LRRC4C: variants seen among roughly 807,000 people sequenced by gnomAD.
LRRC4C encodes the protein leucine rich repeat containing 4C, also known as leucine-rich repeat-containing protein 4C.
A neutral mutation model predicts 33.6 loss-of-function variants in LRRC4C; 5 were observed. The ratio of observed to expected loss-of-function variants is 0.15; its 90% CI spans 0.08 to 0.31. The LOEUF is 0.31. LRRC4C is among the 10% of genes least tolerant of loss of function. The pLI, the probability that LRRC4C is intolerant of heterozygous loss-of-function variation, is 1.00. For synonymous variants in LRRC4C, 329 were observed against 302.0 expected (o/e 1.09, Z -0.93); for missense variants, 560 against 796.7 (o/e 0.70, Z 3.58).
intron 3 of LRRC4C, among the ~76,000 whole-genome samples, chr11:40,345,030 C>T (rs1325785105): frequency 2.0e-5 from 3 of 152,106 alleles, no homozygotes; most frequent in Admixed American, 1.3e-4. Flanking sequence ...AAAAACATTA[C>T]ATGCTCATAG....
chr11:40,245,291 C>G (rs1866241081), intron 4 of LRRC4C, among the ~76,000 whole-genome samples: 1 of 152,134 alleles, frequency 6.6e-6, no homozygotes, highest in Non-Finnish European at 1.5e-5. Context: ...AGATTTTACT[C>G]TATTATTTGC....
At chr11:40,983,716 T>C (rs1852706147) in intron 1 of LRRC4C, among the ~76,000 whole-genome samples, 1 of 152,098 alleles carries the variant, frequency 6.6e-6, no homozygotes. Flanking sequence ...GGAAGACATA[T>C]ATGTGGCTAA....
intron 3 of LRRC4C, among the ~76,000 whole-genome samples, chr11:40,528,576 T>C (rs1956150975): frequency 6.6e-6 from 1 of 152,068 alleles, no homozygotes; most frequent in South Asian, 2.1e-4. Context: ...TGGAAAACAG[T>C]ATGAAGTTTC....
At chr11:41,243,512 A>G (rs545313900) in intron 1 of LRRC4C, among the ~76,000 whole-genome samples, 1 of 152,258 alleles carries the variant, frequency 6.6e-6, no homozygotes, top group Non-Finnish European at 1.5e-5. Context: ...TCCTTCCCAG[A>G]TAAGTATTTC....
intron 3 of LRRC4C, among the ~76,000 whole-genome samples, chr11:40,362,522 C>A (rs1368645800): frequency 1.3e-5 from 2 of 152,132 alleles, no homozygotes; most frequent in Non-Finnish European, 1.5e-5. Context: ...GAGTTCAAGA[C>A]CAGTCTGGCC....
rs546119331 is a variant in LRRC4C at position 40,882,776 on chromosome 11, T to C, written c.-407+50859A>G. On this transcript the variant is annotated intron_variant, in intron 2 of 6. Coordinates refer to ENST00000528697, the MANE Select transcript of LRRC4C (RefSeq NM_001258419.2). ...TCATTTTCTTCTCCTCCTCTTCCTT[T>C]CTCTTTTTCTTGAAATAAAATGGAG... Among the ~76,000 whole-genome samples the C allele has an allele frequency of 2.6e-5, 4 of 152,196 alleles. No homozygotes were observed. The East Asian group carries it at 7.8e-4, about 29-fold the overall frequency.
intron 2 of LRRC4C, among the ~76,000 whole-genome samples, chr11:40,752,739 C>T (rs1362354096): frequency 6.6e-6 from 1 of 152,040 alleles, no homozygotes; most frequent in Non-Finnish European, 1.5e-5. Flanking sequence ...TAAAATAGAA[C>T]TACCATACAA....
intron 2 of LRRC4C, among the ~76,000 whole-genome samples, chr11:40,791,964 A>T (rs1950639718): frequency 6.6e-6 from 1 of 152,072 alleles, no homozygotes; most frequent in Non-Finnish European, 1.5e-5. Flanking sequence ...GTGGCTACGT[A>T]GTCTTTGAAC....
In LRRC4C at chr11:41,090,535, A is replaced by G. The variant is rs528324877; in HGVS notation, c.-495-156812T>C. Among the ~76,000 whole-genome samples, 6 of 152,242 alleles carry G rather than the reference A, an allele frequency of 3.9e-5. No homozygotes were observed. The South Asian group carries it at 8.3e-4, about 21-fold the overall frequency. Reference sequence around the variant, plus strand: ...TGAGGGCACAAGACAAACTTACCCAAATGAATTTTTCTACCACTGACTAAT... The same window carrying G: ...TGAGGGCACAAGACAAACTTACCCAGATGAATTTTTCTACCACTGACTAAT... On this transcript the variant is annotated intron_variant, in intron 1 of 6. Transcript: ENST00000528697.
At chr11:40,637,212 T>C (rs1353193586) in intron 3 of LRRC4C, among the ~76,000 whole-genome samples, 1 of 152,156 alleles carries the variant, frequency 6.6e-6, no homozygotes, top group East Asian at 1.9e-4. Flanking sequence ...CTACCACACA[T>C]CTGCCTCTTC....
intron 3 of LRRC4C, among the ~76,000 whole-genome samples, chr11:40,454,115 G>A (rs1179597364): frequency 6.6e-6 from 1 of 151,294 alleles, no homozygotes; most frequent in East Asian, 1.9e-4. Flanking sequence ...TGTGGTATTT[G>A]GAGAATATTT....
chr11:40,512,592 C>G (rs1000563241), intron 3 of LRRC4C, among the ~76,000 whole-genome samples: 4 of 152,098 alleles, frequency 2.6e-5, no homozygotes, highest in African/African-American at 7.2e-5. Context: ...ACTGGGAGAG[C>G]TGGGCCTCAT....
intron 1 of LRRC4C, among the ~76,000 whole-genome samples, chr11:41,284,836 C>A (rs1446326268): frequency 6.6e-6 from 1 of 152,258 alleles, no homozygotes; most frequent in African/African-American, 2.4e-5. Flanking sequence ...TTTGAAAAAG[C>A]AACTCACATA....
intron 1 of LRRC4C, among the ~76,000 whole-genome samples, chr11:41,268,464 C>T (rs568846899): frequency 6.6e-6 from 1 of 152,148 alleles, no homozygotes; most frequent in South Asian, 2.1e-4. Flanking sequence ...AATAAAATAC[C>T]ACAGAATACA....
chr11:40,198,324 C>A (rs373331532), intron 5 of LRRC4C, among the ~76,000 whole-genome samples: 1 of 152,274 alleles, frequency 6.6e-6, no homozygotes, highest in East Asian at 1.9e-4. Context: ...TCTACAGCCA[C>A]CTATTTTCAG....
At chr11:41,132,273 A>C (rs568910036) in intron 1 of LRRC4C, among the ~76,000 whole-genome samples, 18 of 152,282 alleles carry the variant, frequency 1.2e-4, no homozygotes, top group African/African-American at 4.3e-4. Context: ...AAAGGAAAAA[A>C]TGGTAGAACT....
At chr11:40,880,359 A>G (rs553986740) in intron 2 of LRRC4C, among the ~76,000 whole-genome samples, 7 of 152,252 alleles carry the variant, frequency 4.6e-5, no homozygotes, top group African/African-American at 1.7e-4. Flanking sequence ...CTCTGAGGTG[A>G]TTCAATAGCT....
chr11:41,132,035 A>T (rs1943037301), intron 1 of LRRC4C, among the ~76,000 whole-genome samples: 1 of 152,188 alleles, frequency 6.6e-6, no homozygotes, highest in Non-Finnish European at 1.5e-5. Context: ...GCTATGCAGT[A>T]GGCATTCTTT....
At chr11:40,953,008 T>A (rs355226) in intron 1 of LRRC4C, among the ~76,000 whole-genome samples, 122,930 of 151,442 alleles carry the variant, frequency 0.81, 50,230 homozygotes, top group Non-Finnish European at 0.85. Context: ...TGCAGGATAA[T>A]CAGAGAGCTC....
Sources: gnomAD v4.1 joint callset for allele counts (sites outside exome capture counted in the v4.1 genomes callset) on GRCh38, gnomAD v4.1.1 for gene constraint, MANE v1.5 for transcripts, NCBI Gene and HGNC (gene_info 2026-07-23, HGNC 2026-07-21) for gene names.